The following OR52N4 variants were observed in gnomAD, a reference collection of about 807,000 sequenced individuals.
The protein encoded by OR52N4 is olfactory receptor 52N4.
A neutral mutation model predicts 15.0 loss-of-function variants in OR52N4; 15 were observed. The observed-to-expected ratio is 1.00, with a 90% CI of 0.67 to 1.54. OR52N4 has a LOEUF of 1.54. OR52N4 is among the 40% of genes most tolerant of loss of function. The probability of loss-of-function intolerance (pLI) is 0.00; values close to 1 mark genes in which losing one functional copy is unlikely to be tolerated. For missense variants in OR52N4, 421 were observed against 394.0 expected, an observed-to-expected ratio of 1.07 and a Z score of -0.58; for synonymous variants, 143 against 143.7, an observed-to-expected ratio of 1.00 and a Z score of 0.03.
the OR52N4 span, among the ~76,000 whole-genome samples, chr11:5,738,823 T>C: frequency 3.3e-5 from 5 of 152,286 alleles, no homozygotes; most frequent in East Asian, 9.7e-4. Context: ...TAATCTATTA[T>C]TGTCTTGTAT....
the OR52N4 span, among the ~76,000 whole-genome samples, chr11:5,741,813 C>A: frequency 6.6e-6 from 1 of 152,094 alleles, no homozygotes; most frequent in African/African-American, 2.4e-5. Flanking sequence ...CAAGGGTAAA[C>A]TAGCTGCCAA....
At chr11:5,732,017 T>C in the OR52N4 span, among the ~76,000 whole-genome samples, 4 of 152,030 alleles carry the variant, frequency 2.6e-5, no homozygotes, top group African/African-American at 9.7e-5. Context: ...TATCACCTCA[T>C]AAAGTTATTT....
chr11:5,737,094 T>C, the OR52N4 span: 3 of 1,613,936 alleles, frequency 1.9e-6, no homozygotes, highest in Non-Finnish European at 2.5e-6. Context: ...AACCTTGGGG[T>C]CACAAGCCTG....
the OR52N4 span, chr11:5,734,339 G>A: frequency 2.4e-4 from 90 of 380,238 alleles, no homozygotes; most frequent in Non-Finnish European, 4.1e-4. Flanking sequence ...CAAAAAGATT[G>A]ACATTTCTCT....
At chr11:5,754,564 A>T (rs1490342150) in intron 1 of OR52N4, 129 bp from the exon 2 acceptor site, 7 of 587,336 alleles carry the variant, frequency 1.2e-5, no homozygotes, top group African/African-American at 1.9e-5. Context: ...GACAAACAAA[A>T]TTATTTCTTG....
chr11:5,752,359 T>C (rs568632406), upstream of OR52N4, among the ~76,000 whole-genome samples: 2 of 152,346 alleles, frequency 1.3e-5, no homozygotes, highest in African/African-American at 4.8e-5. Context: ...GTCCTCTTCA[T>C]CTTACCCAAT....
chr11:5,735,887 G>A, the OR52N4 span: 1 of 152,794 alleles, frequency 6.5e-6, no homozygotes, highest in South Asian at 2.1e-4. Context: ...CATTGTGCCT[G>A]TATTCACTAA....
the OR52N4 span, chr11:5,726,569 G>C: frequency 2.6e-5 from 4 of 152,290 alleles, no homozygotes; most frequent in East Asian, 7.7e-4. Flanking sequence ...CCCAGGTCTG[G>C]AACAATTTCA....
At chr11:5,745,292 A>G in the OR52N4 span, among the ~76,000 whole-genome samples, 9 of 152,326 alleles carry the variant, frequency 5.9e-5, no homozygotes, top group South Asian at 1.9e-3. Context: ...TTATATGTAG[A>G]AAACCCTAAA....
chr11:5,735,626 G>T, the OR52N4 span, among the ~76,000 whole-genome samples: 2 of 152,086 alleles, frequency 1.3e-5, no homozygotes, highest in African/African-American at 4.8e-5. Flanking sequence ...TGCAGTAAGG[G>T]AAGGTTAGTT....
the OR52N4 span, among the ~76,000 whole-genome samples, chr11:5,729,120 T>C: frequency 3.0e-5 from 4 of 133,856 alleles, no homozygotes; most frequent in East Asian, 4.2e-4. Flanking sequence ...TGAGATTTTT[T>C]TTTTTTTTTT....
At chr11:5,736,582 C>T in the OR52N4 span, 2 of 1,613,946 alleles carry the variant, frequency 1.2e-6, no homozygotes, top group Non-Finnish European at 1.7e-6. Flanking sequence ...CTGAGTTCAT[C>T]CTGCTGGGAT....
chr11:5,755,101 G>A lies in OR52N4; in HGVS notation c.361G>A (p.Ala121Thr). ...GGAGTCTGGGGTGCTTATGCTTATG[G>A]CCCTGGATCGCTATGTGGCCATCTG... ...GMESGVLMLM[A>T]LDRYVAICYP... is the part of the protein sequence containing the mutation. Residue 121 changes from alanine (A) to threonine (T), a missense_variant, in exon 2 of 2, where the codon GCC (alanine) becomes ACC (threonine). Physicochemically the swap from Ala to Thr is moderately conservative, Grantham distance 58 (BLOSUM62 0). Transcript: ENST00000641350. The A allele has an allele frequency of 6.2e-7, 1 of 1,613,886 alleles. No individual in the cohort carries two copies. The highest frequency in any genetic ancestry group is 8.5e-7 in the Non-Finnish European group (1 of 1,179,952).
chr11:5,730,413 G>T, the OR52N4 span, among the ~76,000 whole-genome samples: 1 of 151,578 alleles, frequency 6.6e-6, no homozygotes. Flanking sequence ...GGATGGTCTC[G>T]ATCTTCTGAC....
At chr11:5,732,746 A>T in the OR52N4 span, among the ~76,000 whole-genome samples, 2 of 152,202 alleles carry the variant, frequency 1.3e-5, no homozygotes, top group African/African-American at 4.8e-5. Context: ...ATAAAATACT[A>T]GTCACTCCAG....
the OR52N4 span, chr11:5,737,693 A>G: frequency 2.2e-6 from 1 of 456,194 alleles, no homozygotes; most frequent in East Asian, 3.4e-5. Flanking sequence ...AATATATTTG[A>G]GAATATGGAA....
the OR52N4 span, among the ~76,000 whole-genome samples, chr11:5,749,238 G>C: frequency 0.38 from 57,052 of 151,688 alleles, 11,464 homozygotes; most frequent in Non-Finnish European, 0.45. Context: ...ATGCAAAAGA[G>C]GGGATAGTGA....
At chr11:5,753,361 C>T (rs750652101), upstream of OR52N4, among the ~76,000 whole-genome samples, 3 of 152,072 alleles carry the variant, frequency 2.0e-5, no homozygotes, top group Admixed American at 2.0e-4. Context: ...ATGAGAGATA[C>T]AATTTTTACT....
chr11:5,755,603 CCACT>C lies in OR52N4; in HGVS notation c.864_867del (p.Thr289Ter), dbSNP rs761503612. The C allele has an allele frequency of 4.6e-5, 75 of 1,613,876 alleles. No individual in the cohort carries two copies. In the African/African-American group the frequency reaches 7.3e-4, roughly 16 times the overall value. ...GCCAATATTTATCTGCTCCTACCAC[CCACT>C]ATGAACCCTATTGTCTATGGGGTGA... On this transcript the variant is annotated frameshift_variant, in exon 2 of 2. Transcript: ENST00000641350. LOFTEE classifies it high-confidence loss of function.
Sources: gnomAD v4.1 joint callset for allele counts (sites outside exome capture counted in the v4.1 genomes callset) on GRCh38, gnomAD v4.1.1 for gene constraint, MANE v1.5 for transcripts, NCBI Gene and HGNC (gene_info 2026-07-23, HGNC 2026-07-21) for gene names.